SLC5A11: variants seen among roughly 807,000 people sequenced by gnomAD.
SLC5A11 encodes sodium/myo-inositol cotransporter 2.
Under a neutral mutation model 69.8 loss-of-function variants are expected in SLC5A11, and 48 were observed. That is an observed-to-expected ratio of 0.69 (90% CI 0.55 to 0.87). SLC5A11 has a LOEUF of 0.87. SLC5A11 is among the 40% of genes least tolerant of loss of function. The pLI, the probability that SLC5A11 is intolerant of heterozygous loss-of-function variation, is 0.00. For synonymous variants in SLC5A11, 319 were observed against 342.4 expected, an observed-to-expected ratio of 0.93 and a Z score of 0.75; for missense variants, 784 against 866.1, an observed-to-expected ratio of 0.91 and a Z score of 1.19.
intron 3 of SLC5A11, among the ~76,000 whole-genome samples, chr16:24,867,946 G>T (rs2047016644): frequency 6.6e-6 from 1 of 151,814 alleles, no homozygotes; most frequent in Admixed American, 6.6e-5. Flanking sequence ...AGACCACCCT[G>T]GGCAACACGG....
chr16:24,906,798 G>A (rs1181312166), intron 11 of SLC5A11, 34 bp downstream of exon 12: 1 of 1,568,122 alleles, frequency 6.4e-7, no homozygotes, highest in South Asian at 1.2e-5. Context: ...CAAGTCCCCT[G>A]GAGCACCCAG....
At chr16:24,906,878 C>T (rs2050105824) in intron 11 of SLC5A11, 114 bp downstream of exon 12, 1 of 1,392,068 alleles carries the variant, frequency 7.2e-7, no homozygotes. Flanking sequence ...GGGAGGAAGA[C>T]TCTGGGCTCC....
intron 9 of SLC5A11, among the ~76,000 whole-genome samples, chr16:24,897,162 C>G (rs575865875): frequency 4.0e-5 from 6 of 151,886 alleles, no homozygotes; most frequent in Non-Finnish European, 8.8e-5. Context: ...CCATGTTGGC[C>G]AGGCTGGTCT....
At chr16:24,910,628 C>G (rs748924777) in intron 15 of SLC5A11, 151 bp downstream of exon 16, 128 of 877,534 alleles carry the variant, frequency 1.5e-4, no homozygotes, top group Non-Finnish European at 1.9e-4. Flanking sequence ...TGTCCCCACG[C>G]TCCGGCCATG....
At chr16:24,887,994 A>G (rs2048496602) in intron 8 of SLC5A11, among the ~76,000 whole-genome samples, 1 of 152,206 alleles carries the variant, frequency 6.6e-6, no homozygotes, top group Non-Finnish European at 1.5e-5. Flanking sequence ...CCAAAACAGT[A>G]CTAAAATAGT....
intron 10 of SLC5A11, among the ~76,000 whole-genome samples, chr16:24,902,989 T>G (rs192665773): frequency 1.2e-3 from 177 of 152,188 alleles, no homozygotes; most frequent in African/African-American, 4.1e-3. Context: ...GCAAAATAAA[T>G]TTTAGAGAGT....
At chr16:24,905,809 C>T in intron 10 of SLC5A11, among the ~76,000 whole-genome samples, 1 of 151,710 alleles carries the variant, frequency 6.6e-6, no homozygotes. Flanking sequence ...ACCTCTGGGC[C>T]TCAGTTTATC....
rs540953062 is a variant in SLC5A11 at position 24,890,752 on chromosome 16, A to T, written c.665-117A>T. The T allele has an allele frequency of 3.9e-4, 361 of 914,000 alleles. 4 individuals are homozygous for T. The South Asian group carries it at 4.8e-3, about 12-fold the overall frequency. The allele number at this position is 914,000 out of a possible 1,614,324, so 56.6% of individuals were successfully genotyped here. A position where few individuals can be genotyped will look rare whatever the true frequency, so the allele number is the denominator to read the frequency against. ...GAGGAGGTTAAGAACCCTTAAGGGGATTAACATTTTTGGTGGCTCTGGTCC... is the reference window on the plus strand; with the variant it reads ...GAGGAGGTTAAGAACCCTTAAGGGGTTTAACATTTTTGGTGGCTCTGGTCC... On this transcript the variant is annotated intron_variant, in intron 8 of 15. Transcript: ENST00000347898.
intron 1 of SLC5A11, among the ~76,000 whole-genome samples, chr16:24,853,575 G>A (rs959321644): frequency 3.9e-5 from 6 of 152,100 alleles, no homozygotes; most frequent in African/African-American, 1.4e-4. Flanking sequence ...CAGAGGGAGG[G>A]AAAGAGAGAA....
chr16:24,897,978 T>G, exon 10 of SLC5A11: 1 of 1,614,030 alleles, frequency 6.2e-7, no homozygotes. Context: ...TTCCAGGTGA[T>G]TGTCCAGCGG....
chr16:24,871,793 C>T (rs927915690), intron 4 of SLC5A11, among the ~76,000 whole-genome samples: 3 of 152,060 alleles, frequency 2.0e-5, no homozygotes, highest in Admixed American at 1.3e-4. Flanking sequence ...AAATGAGTCT[C>T]GGAGACCTGT....
rs564839477 is a variant in SLC5A11, at chr16:24,847,375, T to G, written c.-25+937T>G. Among the ~76,000 whole-genome samples the G allele has an allele frequency of 2.0e-5, 3 of 151,770 alleles. No homozygotes were observed. The South Asian group carries it at 6.3e-4, about 32-fold the overall frequency. On this transcript the variant is annotated intron_variant, in intron 1 of 15. Coordinates refer to ENST00000347898, the Ensembl canonical transcript of SLC5A11. ...TTCCCTTTCTCCTTCCTTCTTTCCT[T>G]CTTTGCCTCCTCTCTCTCTCTGTGT...
At chr16:24,861,605 G>T in intron 2 of SLC5A11, among the ~76,000 whole-genome samples, 1 of 139,982 alleles carries the variant, frequency 7.1e-6, no homozygotes. Flanking sequence ...AAGGAAGGAA[G>T]GGAGGGAGGA....
intron 1 of SLC5A11, among the ~76,000 whole-genome samples, chr16:24,849,344 G>A (rs1259192367): frequency 1.3e-5 from 2 of 151,794 alleles, no homozygotes; most frequent in African/African-American, 4.8e-5. Context: ...GAGGCGGGTG[G>A]ATCACCCGAG....
intron 12 of SLC5A11, among the ~76,000 whole-genome samples, chr16:24,907,483 C>T (rs1240358082): frequency 3.9e-5 from 6 of 151,926 alleles, no homozygotes; most frequent in South Asian, 2.1e-4. Context: ...GAGGCCGAGG[C>T]GGTGGATCAC....
In SLC5A11 at chr16:24,907,764, T is replaced by TA. The variant is rs536722243; in HGVS notation, c.1266-197dup. Among the ~76,000 whole-genome samples the TA allele has an allele frequency of 4.0e-4, 61 of 152,158 alleles. No individual in the cohort carries two copies. The East Asian group carries it at 0.012, about 29-fold the overall frequency. On this transcript the variant is annotated intron_variant, in intron 12 of 15. Transcript: ENST00000347898. ...AGCTGGGAGTGTTGGCATGTGTCTG[T>TA]AATCCCACCTATTCGGGAGGCTGAG... is the stretch of plus-strand genomic sequence containing the variant.
chr16:24,868,361 T>C (rs867952690), intron 3 of SLC5A11, among the ~76,000 whole-genome samples: 15 of 141,560 alleles, frequency 1.1e-4, no homozygotes, highest in African/African-American at 1.3e-4. Context: ...GAGGCCAAGG[T>C]GGGCAGATCA....
intron 1 of SLC5A11, among the ~76,000 whole-genome samples, chr16:24,847,118 CCTTT>C (rs915268827): frequency 8.5e-5 from 13 of 152,122 alleles, no homozygotes; most frequent in African/African-American, 2.9e-4. Context: ...CTTTTTCTTT[CCTTT>C]CTTTCTTTTT....
chr16:24,911,186 A>AG (rs1360373873), intron 15 of SLC5A11, 142 bp from the exon 17 acceptor site: 2 of 677,194 alleles, frequency 3.0e-6, no homozygotes, highest in East Asian at 2.7e-5. Context: ...AAAAAAAAAA[A>AG]GGGAGATTTC....
Sources: allele counts gnomAD v4.1 joint callset (sites outside exome capture counted in the v4.1 genomes callset), GRCh38; gene constraint gnomAD v4.1.1; transcripts MANE v1.5; gene names NCBI Gene and HGNC (gene_info 2026-07-23, HGNC 2026-07-21).